Variants in BMPR1A observed in about 807,000 individuals in gnomAD.
BMPR1A encodes the protein bone morphogenetic protein receptor type 1A.
A neutral mutation model predicts 66.0 loss-of-function variants in BMPR1A; 7 were observed. The observed-to-expected ratio is 0.11, with a 90% CI of 0.06 to 0.20. BMPR1A has a LOEUF of 0.20. BMPR1A is among the 10% of genes least tolerant of loss of function. The pLI, the probability that BMPR1A is intolerant of heterozygous loss-of-function variation, is 1.00. For missense variants in BMPR1A, 408 were observed against 669.1 expected, an observed-to-expected ratio of 0.61 and a Z score of 4.31; for synonymous variants, 200 against 229.7, an observed-to-expected ratio of 0.87 and a Z score of 1.17.
At chr10:86,764,617 C>T (rs1420375344) in intron 1 of BMPR1A, among the ~76,000 whole-genome samples, 1 of 152,214 alleles carries the variant, frequency 6.6e-6, no homozygotes, top group Admixed American at 6.5e-5. Context: ...ATATCTTGGA[C>T]TGGTCTCCTG....
chr10:86,793,987 T>C (rs1222971847), intron 1 of BMPR1A, among the ~76,000 whole-genome samples: 1 of 152,176 alleles, frequency 6.6e-6, no homozygotes, highest in African/African-American at 2.4e-5. Context: ...TGTCATCTCT[T>C]TCCCACCGTA....
intron 1 of BMPR1A, among the ~76,000 whole-genome samples, chr10:86,767,606 A>G (rs1841187938): frequency 6.6e-6 from 1 of 152,174 alleles, no homozygotes; most frequent in African/African-American, 2.4e-5. Context: ...TGAGCCCAGG[A>G]GTTCGAGACT....
At chr10:86,836,094 T>C (rs2133094529) in intron 1 of BMPR1A, among the ~76,000 whole-genome samples, 1 of 152,360 alleles carries the variant, frequency 6.6e-6, no homozygotes, top group Non-Finnish European at 1.5e-5. Context: ...AAAAAATGAC[T>C]TGTACTTACT....
At chr10:86,827,301 T>C (rs1842209795) in intron 1 of BMPR1A, among the ~76,000 whole-genome samples, 1 of 152,200 alleles carries the variant, frequency 6.6e-6, no homozygotes, top group African/African-American at 2.4e-5. Flanking sequence ...GGCTTGATTT[T>C]TTTATTTATA....
intron 2 of BMPR1A, among the ~76,000 whole-genome samples, chr10:86,869,836 G>A (rs905400334): frequency 2.0e-5 from 3 of 151,838 alleles, no homozygotes; most frequent in African/African-American, 7.3e-5. Flanking sequence ...ATGAGACAAA[G>A]GAGAAGTGCT....
At chr10:86,801,998 G>A (rs1297688908) in intron 1 of BMPR1A, among the ~76,000 whole-genome samples, 1 of 152,098 alleles carries the variant, frequency 6.6e-6, no homozygotes, top group Non-Finnish European at 1.5e-5. Flanking sequence ...ACAGGTGTGA[G>A]CCACCGCCCC....
chr10:86,869,769 AAG>A (rs1056745828), intron 2 of BMPR1A, among the ~76,000 whole-genome samples: 2 of 152,204 alleles, frequency 1.3e-5, no homozygotes, highest in African/African-American at 4.8e-5. Context: ...AAAAAAAAAA[AAG>A]AATTGTTGAA....
intron 2 of BMPR1A, among the ~76,000 whole-genome samples, chr10:86,859,035 G>A (rs1272942949): frequency 1.3e-5 from 2 of 152,192 alleles, no homozygotes; most frequent in East Asian, 1.9e-4. Flanking sequence ...CTGCAAAGCT[G>A]TAGTAACTGA....
At chr10:86,843,424 C>G (rs1312300205) in intron 2 of BMPR1A, 1 of 152,082 alleles carries the variant, frequency 6.6e-6, no homozygotes, top group Non-Finnish European at 1.5e-5. Context: ...TTTTTTGGTC[C>G]CTATTAAACT....
chr10:86,773,842 A>G (rs1841304037), intron 1 of BMPR1A, among the ~76,000 whole-genome samples: 1 of 148,666 alleles, frequency 6.7e-6, no homozygotes, highest in Non-Finnish European at 1.5e-5. Flanking sequence ...GCTGTACAGC[A>G]TGTATTTCAT....
chr10:86,793,095 C>CG (rs1313020874), intron 1 of BMPR1A, among the ~76,000 whole-genome samples: 1 of 99,516 alleles, frequency 1.0e-5, no homozygotes, highest in African/African-American at 4.2e-5. Flanking sequence ...CTGATCTATA[C>CG]CCCCCCCCAC....
rs1554886795 is a variant in BMPR1A, at chr10:86,876,005, A to G, written c.-14A>G. 5 of 1,594,850 alleles carry G rather than the reference A, an allele frequency of 3.1e-6. No homozygotes were observed. The highest frequency in any genetic ancestry group is 2.7e-5 in the African/African-American group (2 of 73,730). On this transcript the variant is annotated 5_prime_UTR_variant, in exon 3 of 13. Transcript: ENST00000372037. The stretch of plus-strand genomic sequence containing the variant: ...TTAAAGGTGACAGTACACAGGAAAC[A>G]TTACAATTGAACAATGCCTCAGCTA...
intron 2 of BMPR1A, among the ~76,000 whole-genome samples, chr10:86,865,750 T>C (rs1380158964): frequency 5.9e-5 from 9 of 152,240 alleles, no homozygotes; most frequent in Non-Finnish European, 1.2e-4. Context: ...TCCCTGCACA[T>C]TGCATTTTCT....
Position 86,924,493 on chromosome 10 carries a change from G to C in BMPR1A, c.*774G>C, listed in dbSNP as rs1235404755. The C allele has an allele frequency of 1.3e-5, 3 of 233,414 alleles. No individual in the cohort carries two copies. Among genetic ancestry groups the C allele is most frequent in the Admixed American group, 5.6e-5 (1 of 17,778 alleles). The allele number at this position is 233,414 out of a possible 1,614,324, so 14.5% of individuals were successfully genotyped here. On this transcript the variant is annotated 3_prime_UTR_variant, in exon 13 of 13. Transcript: ENST00000372037. ...GAAGTTTAAAGCATCTGTAAATTTG[G>C]ACTGTTTTCCTTCAACCACCATTTT... is the stretch of plus-strand genomic sequence containing the variant.
At chr10:86,917,056 T>G in intron 8 of BMPR1A, 78 bp from the exon 9 acceptor site, 133 of 1,483,434 alleles carry the variant, frequency 9.0e-5, no homozygotes, top group Non-Finnish European at 1.1e-4. Context: ...TGCTTTTTGA[T>G]GAGATGGACT....
intron 2 of BMPR1A, among the ~76,000 whole-genome samples, chr10:86,864,865 C>T (rs541025335): frequency 1.7e-4 from 26 of 152,266 alleles, no homozygotes; most frequent in African/African-American, 6.3e-4. Context: ...TCACCCCTTA[C>T]CACAAGATCT....
At chr10:86,856,220 AGGTGTAATG>A in intron 2 of BMPR1A, 1 of 525,648 alleles carries the variant, frequency 1.9e-6, no homozygotes, top group South Asian at 1.4e-5. Context: ...TGTAGTGAGC[AGGTGTAATG>A]AACTTCCCCT....
intron 8 of BMPR1A, among the ~76,000 whole-genome samples, chr10:86,915,232 T>C (rs1843548459): frequency 6.6e-6 from 1 of 151,674 alleles, no homozygotes; most frequent in Non-Finnish European, 1.5e-5. Flanking sequence ...GGTTTCACCA[T>C]GTTGGCCAGG....
chr10:86,878,851 A>G (rs898741275), intron 3 of BMPR1A, among the ~76,000 whole-genome samples: 2 of 152,190 alleles, frequency 1.3e-5, no homozygotes, highest in Admixed American at 6.5e-5. Context: ...TGTTCCCCCA[A>G]ACAAAATCAG....
Sources: allele counts gnomAD v4.1 joint callset (sites outside exome capture counted in the v4.1 genomes callset), GRCh38; gene constraint gnomAD v4.1.1; transcripts MANE v1.5; gene names NCBI Gene and HGNC (gene_info 2026-07-23, HGNC 2026-07-21).